The following IFT88 variants were observed in gnomAD, a reference collection of about 807,000 sequenced individuals.
The protein encoded by IFT88 is intraflagellar transport protein 88 homolog.
A neutral mutation model predicts 119.5 loss-of-function variants in IFT88; 74 were observed. That is an observed-to-expected ratio of 0.62 (90% confidence interval 0.51 to 0.75). The LOEUF (loss-of-function observed/expected upper bound fraction) is 0.75, where lower values mean the gene tolerates loss of function less well. Among genes scored for constraint, IFT88 ranks in the 30% least tolerant of loss-of-function variants. The pLI, the probability that IFT88 is intolerant of heterozygous loss-of-function variation, is 0.00. For missense variants in IFT88, 961 were observed against 977.7 expected, an observed-to-expected ratio of 0.98 and a Z score of 0.23; for synonymous variants, 279 against 316.7, an observed-to-expected ratio of 0.88 and a Z score of 1.26.
intron 1 of IFT88, among the ~76,000 whole-genome samples, chr13:20,568,149 A>G (rs937802611): frequency 1.3e-5 from 2 of 152,132 alleles, no homozygotes; most frequent in African/African-American, 2.4e-5. Flanking sequence ...CATAGTCAGT[A>G]GAAGAGTATT....
chr13:20,657,715 G>A (rs541279560), intron 22 of IFT88, among the ~76,000 whole-genome samples: 1 of 152,170 alleles, frequency 6.6e-6, no homozygotes, highest in East Asian at 1.9e-4. Flanking sequence ...ATCACCTGAG[G>A]TCAGGAGTTG....
At chr13:20,670,834 C>A (rs879210870) in intron 23 of IFT88, 139 bp from the exon 24 acceptor site, 431 of 354,858 alleles carry the variant, frequency 1.2e-3, no homozygotes, top group East Asian at 1.6e-3. Context: ...TTTTTTTTTT[C>A]TATAGAATCA....
intron 24 of IFT88, among the ~76,000 whole-genome samples, chr13:20,686,679 C>CA (rs1395522402): frequency 1.3e-5 from 2 of 152,020 alleles, no homozygotes; most frequent in African/African-American, 4.8e-5. Flanking sequence ...AGAAAATTAG[C>CA]AAAAATGAAG....
intron 21 of IFT88, 77 bp downstream of exon 21, chr13:20,654,005 C>A: frequency 1.4e-6 from 1 of 729,208 alleles, no homozygotes; most frequent in Non-Finnish European, 2.3e-6. Flanking sequence ...TAAATGTGAT[C>A]CAGTTGCATA....
intron 12 of IFT88, among the ~76,000 whole-genome samples, chr13:20,602,692 G>A (rs1340925864): frequency 6.6e-6 from 1 of 152,130 alleles, no homozygotes; most frequent in Non-Finnish European, 1.5e-5. Context: ...AGACCAGCCT[G>A]ACCAACAGGG....
intron 2 of IFT88, among the ~76,000 whole-genome samples, chr13:20,579,064 G>A (rs572019867): frequency 3.3e-5 from 5 of 152,014 alleles, no homozygotes; most frequent in Non-Finnish European, 7.4e-5. Context: ...TTTTCTTTGG[G>A]TTTGGTTTGC....
At chr13:20,622,026 T>C (rs2046607590) in intron 14 of IFT88, among the ~76,000 whole-genome samples, 2 of 152,208 alleles carry the variant, frequency 1.3e-5, no homozygotes, top group Non-Finnish European at 2.9e-5. Context: ...TTTCATTTAG[T>C]GGTATCTCTT....
intron 20 of IFT88, among the ~76,000 whole-genome samples, chr13:20,646,495 T>A (rs2050777295): frequency 7.7e-6 from 1 of 130,252 alleles, no homozygotes. Context: ...TTGTTTTTGT[T>A]TTAGTAGAAA....
At chr13:20,584,560 A>G (rs1461357406) in intron 3 of IFT88, among the ~76,000 whole-genome samples, 1 of 151,998 alleles carries the variant, frequency 6.6e-6, no homozygotes, top group African/African-American at 2.4e-5. Flanking sequence ...TACTCAATTA[A>G]TTTTCTACGA....
At chr13:20,648,243 A>G (rs1012478480) in intron 20 of IFT88, among the ~76,000 whole-genome samples, 5 of 152,112 alleles carry the variant, frequency 3.3e-5, no homozygotes, top group Non-Finnish European at 5.9e-5. Context: ...TGAAAATACA[A>G]AAATTAGCTG....
chr13:20,651,299 G>A (rs1009209012), intron 20 of IFT88, among the ~76,000 whole-genome samples: 5 of 151,364 alleles, frequency 3.3e-5, no homozygotes, highest in Non-Finnish European at 5.9e-5. Flanking sequence ...TCCAATTCAA[G>A]CACACACATG....
At chr13:20,675,397 G>A (rs769220118) in intron 24 of IFT88, among the ~76,000 whole-genome samples, 33 of 152,168 alleles carry the variant, frequency 2.2e-4, no homozygotes, top group South Asian at 6.2e-4. Context: ...CTTTGTATAC[G>A]GTATGTATCA....
intron 3 of IFT88, among the ~76,000 whole-genome samples, chr13:20,584,370 A>G (rs2039260202): frequency 6.6e-6 from 1 of 152,110 alleles, no homozygotes; most frequent in South Asian, 2.1e-4. Context: ...TTGAGATCAA[A>G]TGATTTCTTA....
intron 11 of IFT88, among the ~76,000 whole-genome samples, chr13:20,601,348 A>T (rs2042563719): frequency 8.1e-6 from 1 of 123,008 alleles, no homozygotes; most frequent in South Asian, 3.3e-4. Flanking sequence ...CCTGAGCAAC[A>T]GAGAGAGACC....
chr13:20,568,433 A>G (rs929024459), intron 1 of IFT88, among the ~76,000 whole-genome samples: 4 of 152,238 alleles, frequency 2.6e-5, no homozygotes, highest in African/African-American at 7.2e-5. Context: ...CAAGATGTCT[A>G]TTCAACTAAA....
intron 2 of IFT88, 125 bp from the exon 3 acceptor site, chr13:20,582,832 C>A: frequency 1.5e-6 from 1 of 664,696 alleles, no homozygotes; most frequent in Non-Finnish European, 2.6e-6. Context: ...GGTAGGAGTC[C>A]TAGATGTCAA....
chr13:20,597,662 T>A (rs907356402), intron 9 of IFT88, among the ~76,000 whole-genome samples: 3 of 151,360 alleles, frequency 2.0e-5, no homozygotes, highest in African/African-American at 7.3e-5. Context: ...GAGAATGGCG[T>A]GAACCCGGGA....
At chr13:20,662,252 G>C (rs1462267148) in intron 22 of IFT88, among the ~76,000 whole-genome samples, 1 of 150,798 alleles carries the variant, frequency 6.6e-6, no homozygotes, top group Non-Finnish European at 1.5e-5. Context: ...TTAGAAGGAA[G>C]ACTAAAAAAC....
intron 23 of IFT88, among the ~76,000 whole-genome samples, chr13:20,664,405 A>G (rs1050347002): frequency 6.6e-6 from 1 of 152,186 alleles, no homozygotes; most frequent in African/African-American, 2.4e-5. Flanking sequence ...TACATTGTAC[A>G]TTGTACATTC....
Sources: gnomAD v4.1 joint callset for allele counts (sites outside exome capture counted in the v4.1 genomes callset) on GRCh38, gnomAD v4.1.1 for gene constraint, MANE v1.5 for transcripts, NCBI Gene and HGNC (gene_info 2026-07-23, HGNC 2026-07-21) for gene names.